ZNF804B: variants seen among roughly 807,000 people sequenced by gnomAD.
ZNF804B encodes zinc finger 804B.
A neutral mutation model predicts 101.4 loss-of-function variants in ZNF804B; 80 were observed. The ratio of observed to expected loss-of-function variants is 0.79; its 90% CI spans 0.66 to 0.95. The LOEUF (loss-of-function observed/expected upper bound fraction) is 0.95, where lower values mean the gene tolerates loss of function less well. ZNF804B is among the 40% of genes least tolerant of loss of function. ZNF804B has a pLI of 0.00. For synonymous variants in ZNF804B, 622 were observed against 558.8 expected, an observed-to-expected ratio of 1.11 and a Z score of -1.59; for missense variants, 1,673 against 1,561.9, an observed-to-expected ratio of 1.07 and a Z score of -1.20.
rs148827448 is a variant in ZNF804B, at chr7:89,334,596, G to C, written c.1614G>C (p.Thr538=). ...QEDYQYPKPK[T]MIANPDWEKF... is the part of the protein sequence containing the mutation. ...ATTATCAATATCCGAAACCAAAGAC[G>C]ATGATAGCTAATCCGGATTGGGAAA... Residue 538 remains threonine (T), a synonymous_variant, in exon 4 of 4, where the codon ACG becomes ACC. Transcript: ENST00000333190. 4 of 1,613,634 alleles carry C rather than the reference G, an allele frequency of 2.5e-6. No individual in the cohort carries two copies. Among genetic ancestry groups the C allele is most frequent in the African/African-American group, 1.3e-5 (1 of 74,876 alleles).
chr7:89,069,559 C>T (rs73391227), intron 1 of ZNF804B, among the ~76,000 whole-genome samples: 4 of 151,706 alleles, frequency 2.6e-5, no homozygotes, highest in Non-Finnish European at 5.9e-5. Flanking sequence ...TTGTACTTTT[C>T]AAAGTATGAT....
At chr7:88,921,515 A>G (rs570811087) in intron 1 of ZNF804B, among the ~76,000 whole-genome samples, 71 of 152,302 alleles carry the variant, frequency 4.7e-4, no homozygotes, top group African/African-American at 1.2e-3. Flanking sequence ...TGTGACATTT[A>G]TAGGGAACCA....
intron 1 of ZNF804B, among the ~76,000 whole-genome samples, chr7:89,041,580 G>A (rs1789017934): frequency 6.6e-6 from 1 of 152,176 alleles, no homozygotes; most frequent in South Asian, 2.1e-4. Context: ...ACCAAGCTAA[G>A]CCTAGATTCT....
intron 1 of ZNF804B, among the ~76,000 whole-genome samples, chr7:88,872,422 G>C (rs541215151): frequency 1.3e-5 from 2 of 151,790 alleles, no homozygotes; most frequent in African/African-American, 4.8e-5. Flanking sequence ...CTCCCTAAAA[G>C]AAAAAAATAA....
chr7:89,229,188 G>A (rs532109118), intron 2 of ZNF804B, among the ~76,000 whole-genome samples: 6 of 152,334 alleles, frequency 3.9e-5, no homozygotes, highest in South Asian at 2.1e-4. Flanking sequence ...GTGCAGCGGC[G>A]GGCTGAAGGG....
At chr7:89,088,648 C>A (rs919029809) in intron 1 of ZNF804B, among the ~76,000 whole-genome samples, 1 of 146,330 alleles carries the variant, frequency 6.8e-6, no homozygotes, top group Admixed American at 7.0e-5. Context: ...AGATAAGAGT[C>A]ACAGCTGCTG....
chr7:89,260,123 C>A (rs1789689391), intron 2 of ZNF804B, among the ~76,000 whole-genome samples: 1 of 152,128 alleles, frequency 6.6e-6, no homozygotes, highest in Non-Finnish European at 1.5e-5. Flanking sequence ...TGAAATTAAT[C>A]CAGAATTCTC....
chr7:88,783,828 A>T (rs1196277822), intron 1 of ZNF804B, among the ~76,000 whole-genome samples: 1 of 152,166 alleles, frequency 6.6e-6, no homozygotes, highest in African/African-American at 2.4e-5. Context: ...GAGAAGTTGG[A>T]AAAATTTCCA....
At chr7:88,879,654 A>T (rs1433821272) in intron 1 of ZNF804B, among the ~76,000 whole-genome samples, 2 of 152,206 alleles carry the variant, frequency 1.3e-5, no homozygotes, top group Non-Finnish European at 2.9e-5. Flanking sequence ...TAAGAACATT[A>T]GGAGAGGTTT....
intron 3 of ZNF804B, 83 bp downstream of exon 3, chr7:89,327,557 G>A (rs761143732): frequency 1.2e-4 from 182 of 1,527,782 alleles, no homozygotes; most frequent in Non-Finnish European, 1.5e-4. Context: ...CTGTAACAAT[G>A]TAAACAAATA....
intron 1 of ZNF804B, among the ~76,000 whole-genome samples, chr7:89,150,245 A>G (rs1322203750): frequency 6.6e-6 from 1 of 151,950 alleles, no homozygotes; most frequent in Non-Finnish European, 1.5e-5. Context: ...AGAGTTCGGT[A>G]CCATCCGAGA....
intron 1 of ZNF804B, among the ~76,000 whole-genome samples, chr7:89,119,809 A>G (rs1222349102): frequency 2.0e-5 from 3 of 152,242 alleles, no homozygotes; most frequent in African/African-American, 4.8e-5. Context: ...TTACTAAGAC[A>G]TAAAAATCAA....
intron 1 of ZNF804B, among the ~76,000 whole-genome samples, chr7:88,842,098 T>G (rs140950527): frequency 6.6e-6 from 1 of 152,330 alleles, no homozygotes; most frequent in East Asian, 1.9e-4. Context: ...AAGTAAAATA[T>G]TCATATTCTG....
chr7:88,940,768 AAATAATAATAATAATAATAAT>A (rs71120045), intron 1 of ZNF804B, among the ~76,000 whole-genome samples: 4 of 139,488 alleles, frequency 2.9e-5, no homozygotes, highest in African/African-American at 7.9e-5. Flanking sequence ...ACCCTATTTA[AAATAATAATAATAATAATAAT>A]AATAATAATA....
chr7:88,832,123 C>T (rs558156083), intron 1 of ZNF804B, among the ~76,000 whole-genome samples: 1 of 151,188 alleles, frequency 6.6e-6, no homozygotes, highest in Non-Finnish European at 1.5e-5. Context: ...CATATGCATT[C>T]TGTAGAAGCC....
chr7:88,914,368 C>G (rs978638517), intron 1 of ZNF804B, among the ~76,000 whole-genome samples: 1 of 152,040 alleles, frequency 6.6e-6, no homozygotes, highest in South Asian at 2.1e-4. Flanking sequence ...TTTTCTTTCA[C>G]GATTGCCCCT....
chr7:88,992,603 C>T (rs1401193573), intron 1 of ZNF804B, among the ~76,000 whole-genome samples: 4 of 152,078 alleles, frequency 2.6e-5, no homozygotes, highest in Non-Finnish European at 5.9e-5. Flanking sequence ...TTTTAAATGG[C>T]TGGTGTGATT....
intron 1 of ZNF804B, among the ~76,000 whole-genome samples, chr7:88,802,720 GA>G (rs202067013): frequency 5.0e-3 from 714 of 143,386 alleles, no homozygotes; most frequent in Non-Finnish European, 6.8e-3. Context: ...TAATGAACAG[GA>G]AAAAAAAAAA....
chr7:89,025,887 T>C (rs1254664248), intron 1 of ZNF804B, among the ~76,000 whole-genome samples: 1 of 152,160 alleles, frequency 6.6e-6, no homozygotes, highest in East Asian at 1.9e-4. Flanking sequence ...AAGCTAATTA[T>C]ATTATTCACT....
Sources: gnomAD v4.1 joint callset for allele counts (sites outside exome capture counted in the v4.1 genomes callset) on GRCh38, gnomAD v4.1.1 for gene constraint, MANE v1.5 for transcripts, NCBI Gene and HGNC (gene_info 2026-07-23, HGNC 2026-07-21) for gene names.